The following PATJ variants were observed in gnomAD, a reference collection of about 807,000 sequenced individuals.
PATJ encodes PATJ crumbs cell polarity complex component.
Under a neutral mutation model 224.9 loss-of-function variants are expected in PATJ, and 190 were observed. The observed-to-expected ratio is 0.84, with a 90% CI of 0.75 to 0.95. PATJ has a LOEUF of 0.95. PATJ is among the 40% of genes least tolerant of loss of function. The pLI, the probability that PATJ is intolerant of heterozygous loss-of-function variation, is 0.00. For synonymous variants in PATJ, 769 were observed against 820.3 expected, an observed-to-expected ratio of 0.94 and a Z score of 1.07; for missense variants, 2,121 against 2,270.3, an observed-to-expected ratio of 0.93 and a Z score of 1.34.
chr1:61,899,592 TGA>T lies in PATJ; in HGVS notation c.3148_3149del (p.Glu1050ArgfsTer11), dbSNP rs1395910508. 4 of 1,609,124 alleles carry T rather than the reference TGA, an allele frequency of 2.5e-6. No individual in the cohort carries two copies. Among genetic ancestry groups the T allele is most frequent in the Middle Eastern group, 1.7e-4 (1 of 6,048 alleles). The part of the protein sequence containing the change: ...RYATDTCELP[E>X]REEGEGEETP... ...CTTTCTCCCTCTGTAGTGAGTTACC[TGA>T]GAGAGAAGAAGGCGAAGGAGAAGAA... is the stretch of plus-strand genomic sequence containing the variant. On this transcript the variant is annotated frameshift_variant, in exon 23 of 44. Transcript: ENST00000642238. LOFTEE classifies it high-confidence loss of function.
chr1:62,052,787 T>C (rs12732781), intron 31 of PATJ, among the ~76,000 whole-genome samples: 62,801 of 151,866 alleles, frequency 0.41, 13,343 homozygotes, highest in African/African-American at 0.51. Context: ...TAAAAAATTA[T>C]GATTTCCCTT....
intron 27 of PATJ, among the ~76,000 whole-genome samples, chr1:61,947,258 G>A (rs149541293): frequency 2.6e-3 from 400 of 152,268 alleles, no homozygotes; most frequent in African/African-American, 9.3e-3. Context: ...TATTCAATTA[G>A]GAAGAGAGGA....
chr1:62,037,453 C>G (rs376196909), intron 29 of PATJ, among the ~76,000 whole-genome samples: 1 of 152,118 alleles, frequency 6.6e-6, no homozygotes, highest in African/African-American at 2.4e-5. Flanking sequence ...GTCTGGAGCT[C>G]TGCCCTCCCC....
At chr1:61,899,560 T>C in intron 22 of PATJ, 23 bp from the exon 23 acceptor site, 1 of 1,563,514 alleles carries the variant, frequency 6.4e-7, no homozygotes, top group Non-Finnish European at 8.7e-7. Context: ...ATTGTGTGTA[T>C]TTTTTTCTTT....
At chr1:61,974,368 T>C (rs1557972071) in intron 27 of PATJ, among the ~76,000 whole-genome samples, 2 of 150,970 alleles carry the variant, frequency 1.3e-5, no homozygotes, top group South Asian at 2.1e-4. Context: ...CATTAGATAA[T>C]TGCCTCAGAG....
rs558042083 is a variant in PATJ, at chr1:61,777,863, A to G, written c.849+2529A>G. ...GTTGGTACTACAGGCATGTACCACC[A>G]TGCTAGGCTAATTTATTTTTATTTT... On this transcript the variant is annotated intron_variant, in intron 7 of 43. Coordinates refer to ENST00000642238, the MANE Select transcript of PATJ (RefSeq NM_001350145.3). Among the ~76,000 whole-genome samples, 7 of 151,808 alleles carry G rather than the reference A, an allele frequency of 4.6e-5. No homozygotes were observed. The South Asian group carries it at 6.2e-4, about 14-fold the overall frequency.
At chr1:62,147,373 AG>A in intron 41 of PATJ, among the ~76,000 whole-genome samples, 1 of 152,306 alleles carries the variant, frequency 6.6e-6, no homozygotes, top group East Asian at 1.9e-4. Context: ...AAATAGTTGA[AG>A]GCCGGGCACA....
At position 61,769,554 on chromosome 1, in the gene PATJ, T is replaced by C. The variant is rs141873084; in HGVS notation, c.524+132T>C. ...AACATTTTTGCTTTCGTTTTTGCTA[T>C]GCATTTGTCAGGCCTTTTGCGAAAA... On this transcript the variant is annotated intron_variant, in intron 5 of 43. Transcript: ENST00000642238. The C allele has an allele frequency of 4.8e-4, 493 of 1,020,924 alleles. 6 individuals are homozygous for C. The East Asian group carries it at 0.012, about 25-fold the overall frequency. 63.2% of individuals were successfully genotyped at this position (1,020,924 alleles called of 1,614,324 possible).
chr1:61,799,345 G>A (rs544111196), intron 11 of PATJ, among the ~76,000 whole-genome samples: 10 of 152,102 alleles, frequency 6.6e-5, no homozygotes, highest in East Asian at 5.8e-4. Flanking sequence ...GGCGCTGCCC[G>A]CCACCATGCC....
chr1:61,940,433 C>G (rs745855177), intron 27 of PATJ, among the ~76,000 whole-genome samples: 29 of 151,884 alleles, frequency 1.9e-4, no homozygotes, highest in Non-Finnish European at 3.4e-4. Flanking sequence ...AAATGAAATT[C>G]TAGCCGGGCG....
intron 27 of PATJ, among the ~76,000 whole-genome samples, chr1:61,951,395 T>C (rs560982468): frequency 6.4e-4 from 97 of 152,336 alleles, no homozygotes; most frequent in African/African-American, 2.3e-3. Flanking sequence ...TTGGGTATTC[T>C]TGACTTTTTA....
Position 62,040,323 on chromosome 1 carries a change from G to A in PATJ, c.4032+2274G>A, listed in dbSNP as rs576124920. ...GGGGTTTCACCATGTTGGCCAGGCTGGTCTCGAACTCCTGACCTCAGATGA... is the reference window on the plus strand; with the variant it reads ...GGGGTTTCACCATGTTGGCCAGGCTAGTCTCGAACTCCTGACCTCAGATGA... On this transcript the variant is annotated intron_variant, in intron 30 of 43. Coordinates refer to ENST00000642238, the MANE Select transcript of PATJ (RefSeq NM_001350145.3). Among the ~76,000 whole-genome samples, 319 of 152,034 alleles carry A rather than the reference G, an allele frequency of 2.1e-3. 2 individuals are homozygous for A. Among genetic ancestry groups the A allele is most frequent in the African/African-American group, 7.4e-3 (307 of 41,466 alleles).
In PATJ at chr1:61,818,779, A is replaced by G. The variant is rs1049762977; in HGVS notation, c.1684-4166A>G. On this transcript the variant is annotated intron_variant, in intron 14 of 43. Coordinates refer to ENST00000642238, the MANE Select transcript of PATJ (RefSeq NM_001350145.3). ...GGGAATAGCCTAGAAGGCACAGCCCATGTCTGGAGGGCACGAGATGACATG... is the reference window on the plus strand; with the variant it reads ...GGGAATAGCCTAGAAGGCACAGCCCGTGTCTGGAGGGCACGAGATGACATG... Among the ~76,000 whole-genome samples, 4 of 152,308 alleles carry G rather than the reference A, an allele frequency of 2.6e-5. No individual in the cohort carries two copies. In the East Asian group the frequency reaches 5.8e-4, roughly 22 times the overall value.
intron 17 of PATJ, among the ~76,000 whole-genome samples, chr1:61,834,027 G>C (rs1046535452): frequency 1.1e-4 from 17 of 152,176 alleles, no homozygotes; most frequent in African/African-American, 3.6e-4. Flanking sequence ...GGTGCTTTTA[G>C]AGCAGGATCT....
intron 12 of PATJ, among the ~76,000 whole-genome samples, chr1:61,802,958 A>G (rs973867419): frequency 2.6e-5 from 4 of 152,170 alleles, no homozygotes. Flanking sequence ...GTCTTGTCTC[A>G]GGTCAGGAAA....
At chr1:62,057,487 C>T (rs1441122757) in intron 31 of PATJ, among the ~76,000 whole-genome samples, 2 of 152,140 alleles carry the variant, frequency 1.3e-5, no homozygotes, top group South Asian at 2.1e-4. Context: ...CGCAGTGTGG[C>T]ATCAGATAGA....
intron 27 of PATJ, among the ~76,000 whole-genome samples, chr1:61,939,511 G>A (rs1273838666): frequency 6.6e-6 from 1 of 150,964 alleles, no homozygotes; most frequent in Admixed American, 6.6e-5. Flanking sequence ...TAAAAATCAG[G>A]TTTTTTTTGC....
intron 8 of PATJ, among the ~76,000 whole-genome samples, chr1:61,789,303 TA>T (rs1277419590): frequency 2.7e-5 from 4 of 148,168 alleles, no homozygotes; most frequent in Admixed American, 6.8e-5. Context: ...AAGACTCTAT[TA>T]AAAAAATAAA....
intron 22 of PATJ, among the ~76,000 whole-genome samples, chr1:61,885,553 A>T (rs1352630860): frequency 2.6e-5 from 4 of 152,146 alleles, no homozygotes; most frequent in African/African-American, 9.6e-5. Flanking sequence ...ATGTGGAGAA[A>T]TAGGAACACT....
Sources: gnomAD v4.1 joint callset for allele counts (sites outside exome capture counted in the v4.1 genomes callset) on GRCh38, gnomAD v4.1.1 for gene constraint, MANE v1.5 for transcripts, NCBI Gene and HGNC (gene_info 2026-07-23, HGNC 2026-07-21) for gene names.